GSE1: variants seen among roughly 807,000 people sequenced by gnomAD.
GSE1 encodes the protein genetic suppressor element 1.
Under a neutral mutation model 112.6 loss-of-function variants are expected in GSE1, and 32 were observed. The observed-to-expected ratio is 0.28, with a 90% CI of 0.21 to 0.38. GSE1 has a LOEUF of 0.38. GSE1 is among the 10% of genes least tolerant of loss of function. The pLI is 1.00. For missense variants in GSE1, 2,348 were observed against 1,699.2 expected (o/e 1.38, Z -6.71); for synonymous variants, 1,115 against 735.6 (o/e 1.52, Z -8.35).
chr16:85,223,477 C>T (rs866074488), intron 1 of GSE1, among the ~76,000 whole-genome samples: 13 of 150,788 alleles, frequency 8.6e-5, no homozygotes, highest in African/African-American at 2.4e-4. Context: ...GAGCCAAGAT[C>T]GTGCCACCGC....
At position 85,369,351 on chromosome 16, in the gene GSE1, G is replaced by T. The variant is rs187924609; in HGVS notation, c.2464+11708G>T. On this transcript the variant is annotated intron_variant, in intron 2 of 2. Coordinates refer to the GSE1 transcript ENST00000637419. ...CCCACTTTAGCCTCCCAAGTAGCTG[G>T]GATTACAGACATGCGACACCATTCC... Among the ~76,000 whole-genome samples the T allele has an allele frequency of 1.9e-3, 293 of 152,120 alleles. 3 individuals carry two copies. The highest frequency in any genetic ancestry group is 0.018 in the Admixed American group (276 of 15,276).
chr16:85,572,351 C>A (rs1172922176), intron 1 of GSE1, among the ~76,000 whole-genome samples: 5 of 147,576 alleles, frequency 3.4e-5, no homozygotes, highest in Non-Finnish European at 6.0e-5. Context: ...CCTCCACACA[C>A]AACACACAAT....
At chr16:85,181,276 A>G (rs1234540109) in intron 1 of GSE1, among the ~76,000 whole-genome samples, 2 of 152,212 alleles carry the variant, frequency 1.3e-5, no homozygotes, top group South Asian at 2.1e-4. Context: ...GAATGGCCCC[A>G]TGGGCGGATG....
rs148321848 is a variant in GSE1, at chr16:85,178,244, T to C, written c.2283+6437T>C. ...GACATCTAAGCTGAGTCCTGAAGAC[T>C]GAAAAGGATTCAGCCAAGTCCGTGT... is the stretch of plus-strand genomic sequence containing the variant. On this transcript the variant is annotated intron_variant, in intron 1 of 2. Coordinates refer to the GSE1 transcript ENST00000637419. 2.4e-3 allele frequency among the ~76,000 whole-genome samples: 371 copies of C among 152,238 alleles called. 1 individual carries two copies. The highest frequency in any genetic ancestry group is 3.1e-3 in the Admixed American group (48 of 15,290).
chr16:85,425,791 T>C (rs2048963799), intron 2 of GSE1, among the ~76,000 whole-genome samples: 2 of 152,212 alleles, frequency 1.3e-5, no homozygotes, highest in Non-Finnish European at 2.9e-5. Context: ...CGAAGTAACT[T>C]TTACTTTGGT....
chr16:85,252,679 G>A lies in GSE1; in HGVS notation c.2283+80872G>A, dbSNP rs188469084. 1.8e-3 allele frequency among the ~76,000 whole-genome samples: 273 copies of A among 152,338 alleles called. 1 individual carries two copies. Among genetic ancestry groups the A allele is most frequent in the African/African-American group, 6.1e-3 (255 of 41,582 alleles). ...GGGAGGAGGAAACTGAGGTCATGCC[G>A]GTGTGGGGACGGCACAGCAAAGCTT... is the stretch of plus-strand genomic sequence containing the variant. On this transcript the variant is annotated intron_variant, in intron 1 of 2. Transcript: ENST00000637419.
At chr16:85,384,611 C>T (rs1238394351) in intron 2 of GSE1, among the ~76,000 whole-genome samples, 1 of 152,188 alleles carries the variant, frequency 6.6e-6, no homozygotes, top group Admixed American at 6.5e-5. Flanking sequence ...CTCCTGCAAG[C>T]TGGGACCTGT....
At chr16:85,516,783 G>A (rs1049570889) in intron 2 of GSE1, among the ~76,000 whole-genome samples, 1 of 148,440 alleles carries the variant, frequency 6.7e-6, no homozygotes, top group Non-Finnish European at 1.5e-5. Context: ...CTTGGGGCAG[G>A]GATGTGTCTT....
intron 1 of GSE1, among the ~76,000 whole-genome samples, chr16:85,604,652 G>A (rs55927086): frequency 0.034 from 4,594 of 136,752 alleles, 289 homozygotes; most frequent in African/African-American, 0.12. Context: ...CTTCTGAGGC[G>A]GGAGGATCCT....
intron 1 of GSE1, among the ~76,000 whole-genome samples, chr16:85,342,538 C>G (rs1179970547): frequency 6.6e-6 from 1 of 152,144 alleles, no homozygotes; most frequent in Admixed American, 6.5e-5. Flanking sequence ...CCCACCAGCC[C>G]CCACTCTCAT....
At chr16:85,312,585 A>C (rs1418261653) in intron 1 of GSE1, among the ~76,000 whole-genome samples, 2 of 152,188 alleles carry the variant, frequency 1.3e-5, no homozygotes, top group South Asian at 4.1e-4. Context: ...AGAGCATCTT[A>C]ACTTCCTGAC....
At chr16:85,619,957 A>G (rs146627983) in intron 1 of GSE1, among the ~76,000 whole-genome samples, 173 of 152,242 alleles carry the variant, frequency 1.1e-3, no homozygotes, top group Non-Finnish European at 2.0e-3. Flanking sequence ...GCTCTCCCTT[A>G]GAGCCTGGAG....
intron 1 of GSE1, among the ~76,000 whole-genome samples, chr16:85,295,133 G>T (rs2045331242): frequency 6.6e-6 from 1 of 152,106 alleles, no homozygotes; most frequent in Non-Finnish European, 1.5e-5. Flanking sequence ...GATACATTCA[G>T]TGCATAGCAT....
intron 1 of GSE1, among the ~76,000 whole-genome samples, chr16:85,588,435 C>T (rs2046811361): frequency 6.6e-6 from 1 of 152,316 alleles, no homozygotes. Context: ...GCTTTATGAT[C>T]CTCAAGGGCC....
chr16:85,642,998 G>T (rs1475089325), intron 2 of GSE1, among the ~76,000 whole-genome samples: 1 of 152,186 alleles, frequency 6.6e-6, no homozygotes, highest in Admixed American at 6.5e-5. Context: ...TGACTCTTCA[G>T]GGGGTGCCGG....
chr16:85,447,207 G>A (rs2049541224), intron 2 of GSE1, among the ~76,000 whole-genome samples: 2 of 152,186 alleles, frequency 1.3e-5, no homozygotes, highest in Admixed American at 1.3e-4. Context: ...CTAGTTAGGA[G>A]TGTGCAGCAC....
intron 2 of GSE1, among the ~76,000 whole-genome samples, chr16:85,396,048 T>A (rs1015714331): frequency 1.3e-5 from 2 of 152,248 alleles, no homozygotes; most frequent in African/African-American, 2.4e-5. Flanking sequence ...GAACCTTCTC[T>A]TGGATATGAA....
chr16:85,360,982 C>A (rs919960361), intron 2 of GSE1, among the ~76,000 whole-genome samples: 1 of 151,862 alleles, frequency 6.6e-6, no homozygotes, highest in East Asian at 1.9e-4. Context: ...CCACACACAG[C>A]CACACACACA....
In GSE1 at chr16:85,419,570, T is replaced by C. The variant is rs947125377; in HGVS notation, c.2464+61927T>C. ...GCAGTGAGCCATGACTGCATCACTG[T>C]ACTCCAGCCTGGGCAATAGAGCAAG... On this transcript the variant is annotated intron_variant, in intron 2 of 2. Transcript: ENST00000637419. The surrounding 1 kb of genome is among the most constrained non-coding windows in gnomAD (Gnocchi z 6.5). Among the ~76,000 whole-genome samples the C allele has an allele frequency of 6.6e-6, 1 of 151,020 alleles. No individual in the cohort carries two copies. The highest frequency in any genetic ancestry group is 1.5e-5 in the Non-Finnish European group (1 of 67,842).
Sources: allele counts gnomAD v4.1 joint callset (sites outside exome capture counted in the v4.1 genomes callset), GRCh38; gene constraint gnomAD v4.1.1; non-coding constraint Gnocchi (gnomAD v3.1); transcripts MANE v1.5; gene names NCBI Gene and HGNC (gene_info 2026-07-23, HGNC 2026-07-21).